Variants in PRUNE2 observed in about 807,000 individuals in gnomAD.
The protein encoded by PRUNE2 is protein prune homolog 2.
Under a neutral mutation model 252.0 loss-of-function variants are expected in PRUNE2, and 164 were observed. The ratio of observed to expected loss-of-function variants is 0.65; its 90% CI spans 0.57 to 0.74. The LOEUF (loss-of-function observed/expected upper bound fraction) is 0.74, where lower values mean the gene tolerates loss of function less well. Ranked by LOEUF, PRUNE2 falls within the 30% of genes least tolerant of loss-of-function variation. The pLI, the probability that PRUNE2 is intolerant of heterozygous loss-of-function variation, is 0.00. For missense variants in PRUNE2, 3,495 were observed against 3,711.0 expected, an observed-to-expected ratio of 0.94 and a Z score of 1.51; for synonymous variants, 1,292 against 1,350.2, an observed-to-expected ratio of 0.96 and a Z score of 0.94.
intron 6 of PRUNE2, among the ~76,000 whole-genome samples, chr9:76,724,790 T>C (rs2047965475): frequency 1.3e-5 from 2 of 152,170 alleles, no homozygotes; most frequent in African/African-American, 4.8e-5. Flanking sequence ...TCAGGAAAAC[T>C]TTCCTCTATT....
At chr9:76,835,609 T>C (rs529097733) in intron 4 of PRUNE2, among the ~76,000 whole-genome samples, 32 of 152,330 alleles carry the variant, frequency 2.1e-4, no homozygotes, top group African/African-American at 7.5e-4. Context: ...AAACAATCAC[T>C]TCTTCCCCCT....
chr9:76,891,912 A>G (rs1343364820), intron 1 of PRUNE2, among the ~76,000 whole-genome samples: 3 of 152,198 alleles, frequency 2.0e-5, no homozygotes, highest in Non-Finnish European at 4.4e-5. Flanking sequence ...AAGGTTAATC[A>G]AATGAGATCA....
chr9:76,811,057 GAGA>G (rs1423770026), intron 6 of PRUNE2, among the ~76,000 whole-genome samples: 1 of 152,204 alleles, frequency 6.6e-6, no homozygotes, highest in Non-Finnish European at 1.5e-5. Context: ...GAATATAAAT[GAGA>G]AGAAGTAAGC....
intron 6 of PRUNE2, among the ~76,000 whole-genome samples, chr9:76,775,547 T>C (rs2053643519): frequency 6.6e-6 from 1 of 152,140 alleles, no homozygotes. Flanking sequence ...GCAATCTGCC[T>C]GCCTCAGCCT....
intron 15 of PRUNE2, among the ~76,000 whole-genome samples, chr9:76,635,254 G>A (rs968383020): frequency 2.0e-5 from 3 of 152,160 alleles, no homozygotes; most frequent in Non-Finnish European, 4.4e-5. Flanking sequence ...TTACAGGTGT[G>A]AGCCACCCCG....
intron 6 of PRUNE2, among the ~76,000 whole-genome samples, chr9:76,801,616 C>T (rs1187571609): frequency 6.6e-6 from 1 of 151,936 alleles, no homozygotes; most frequent in Non-Finnish European, 1.5e-5. Context: ...TTAATTTCCA[C>T]TTATTGTTAA....
chr9:76,649,400 C>T (rs897094097), intron 11 of PRUNE2, among the ~76,000 whole-genome samples: 9 of 152,208 alleles, frequency 5.9e-5, no homozygotes, highest in African/African-American at 1.9e-4. Flanking sequence ...GCCTGGGAAA[C>T]GTGGCAAAAC....
intron 6 of PRUNE2, among the ~76,000 whole-genome samples, chr9:76,804,721 C>T (rs912857867): frequency 2.0e-5 from 3 of 152,182 alleles, no homozygotes; most frequent in African/African-American, 4.8e-5. Flanking sequence ...GTGGGGGCAG[C>T]GTGCTTGTTC....
chr9:76,856,731 G>C (rs557412263), intron 1 of PRUNE2: 3 of 217,768 alleles, frequency 1.4e-5, no homozygotes, highest in African/African-American at 7.0e-5. Flanking sequence ...GGTTCTCCTT[G>C]GTGTCATATG....
chr9:76,683,815 A>C (rs994487191), intron 9 of PRUNE2, among the ~76,000 whole-genome samples: 5 of 151,908 alleles, frequency 3.3e-5, no homozygotes, highest in African/African-American at 4.8e-5. Context: ...ATTTATCTAT[A>C]TATATATATT....
intron 6 of PRUNE2, among the ~76,000 whole-genome samples, chr9:76,732,053 GCC>G (rs2048660779): frequency 6.6e-6 from 1 of 152,174 alleles, no homozygotes; most frequent in Admixed American, 6.5e-5. Context: ...GGTGGCTCAC[GCC>G]TGTAATCCCA....
At chr9:76,652,431 A>ATCTT in intron 11 of PRUNE2, 52 bp downstream of exon 11, 1 of 1,263,062 alleles carries the variant, frequency 7.9e-7, no homozygotes, top group African/African-American at 1.5e-5. Context: ...CTGTTAGAAA[A>ATCTT]TCTTTTACTT....
At chr9:76,677,434 G>A (rs968163248) in intron 9 of PRUNE2, among the ~76,000 whole-genome samples, 6 of 152,004 alleles carry the variant, frequency 3.9e-5, no homozygotes, top group South Asian at 2.1e-4. Flanking sequence ...ATTGTTTTCC[G>A]TTCCTGTTTC....
intron 4 of PRUNE2, among the ~76,000 whole-genome samples, chr9:76,827,794 T>C (rs1183363957): frequency 1.3e-5 from 2 of 152,238 alleles, no homozygotes; most frequent in East Asian, 3.8e-4. Context: ...GCAAGTCGTC[T>C]GGCCTCCGTT....
At chr9:76,692,043 TCTC>T (rs754702514) in intron 9 of PRUNE2, 40 of 716,894 alleles carry the variant, frequency 5.6e-5, no homozygotes, top group Non-Finnish European at 9.1e-5. Context: ...CCCGTACCGA[TCTC>T]CTAAAAGCTA....
intron 11 of PRUNE2, among the ~76,000 whole-genome samples, chr9:76,646,893 T>A (rs548969031): frequency 2.0e-5 from 3 of 152,180 alleles, no homozygotes; most frequent in Non-Finnish European, 2.9e-5. Flanking sequence ...AATTCCCTTA[T>A]GTAAAAAATT....
chr9:76,835,359 CAG>C (rs763945549), intron 4 of PRUNE2, among the ~76,000 whole-genome samples: 1 of 150,768 alleles, frequency 6.6e-6, no homozygotes, highest in African/African-American at 2.4e-5. Flanking sequence ...GAATGAATAA[CAG>C]AGAGAAAGAG....
At chr9:76,882,660 A>G (rs1284627658) in intron 1 of PRUNE2, among the ~76,000 whole-genome samples, 1 of 152,112 alleles carries the variant, frequency 6.6e-6, no homozygotes, top group Non-Finnish European at 1.5e-5. Flanking sequence ...AAAAGGACCA[A>G]ATCTCATGAG....
chr9:76,835,752 G>GA (rs895615819), intron 4 of PRUNE2, among the ~76,000 whole-genome samples: 31 of 151,842 alleles, frequency 2.0e-4, no homozygotes, highest in Admixed American at 1.4e-3. Context: ...GAGAGAGAGA[G>GA]AAAAAAAATA....
Sources: gnomAD v4.1 joint callset for allele counts (sites outside exome capture counted in the v4.1 genomes callset) on GRCh38, gnomAD v4.1.1 for gene constraint, MANE v1.5 for transcripts, NCBI Gene and HGNC (gene_info 2026-07-23, HGNC 2026-07-21) for gene names.